The following SYTL2 variants were observed in gnomAD, a reference collection of about 807,000 sequenced individuals.
SYTL2 encodes the protein synaptotagmin like 2.
A neutral mutation model predicts 198.7 loss-of-function variants in SYTL2; 165 were observed. That is an observed-to-expected ratio of 0.83 (90% CI 0.73 to 0.94). The LOEUF is 0.94. Ranked by LOEUF, SYTL2 falls within the 40% of genes least tolerant of loss-of-function variation. The pLI, the probability that SYTL2 is intolerant of heterozygous loss-of-function variation, is 0.00. For missense variants in SYTL2, 2,835 were observed against 2,582.8 expected, an observed-to-expected ratio of 1.10 and a Z score of -2.12; for synonymous variants, 966 against 917.7, an observed-to-expected ratio of 1.05 and a Z score of -0.95.
chr11:85,695,363 T>C (rs1311531476), intron 19 of SYTL2, 23 bp from the exon 20 acceptor site: 1 of 1,540,000 alleles, frequency 6.5e-7, no homozygotes, highest in African/African-American at 1.4e-5. Context: ...AGCTTTGCAT[T>C]TAGAAAGAAA....
chr11:85,747,069 C>A (rs568867229), intron 3 of SYTL2, among the ~76,000 whole-genome samples: 1 of 152,270 alleles, frequency 6.6e-6, no homozygotes, highest in East Asian at 1.9e-4. Context: ...TAGACCTTGA[C>A]AAGGCTTTAC....
At chr11:85,815,217 C>T (rs1263436294), upstream of SYTL2, among the ~76,000 whole-genome samples, 1 of 152,222 alleles carries the variant, frequency 6.6e-6, no homozygotes, top group East Asian at 1.9e-4. Flanking sequence ...AGTAAAAGAA[C>T]CTTTCTCTTA....
the SYTL2 span, among the ~76,000 whole-genome samples, chr11:85,846,809 C>G: frequency 6.6e-6 from 1 of 150,586 alleles, no homozygotes; most frequent in Non-Finnish European, 1.5e-5. Flanking sequence ...TCTCGCCTCA[C>G]TGCAACCTCC....
At position 85,716,668 on chromosome 11, in the gene SYTL2, G is replaced by A. The variant is rs556181954; in HGVS notation, c.5530+815C>T. 44 of 148,828 alleles carry A rather than the reference G, an allele frequency of 3.0e-4. 1 individual carries two copies. The highest frequency in any genetic ancestry group is 9.8e-4 in the African/African-American group (39 of 39,994). 9.2% of individuals were successfully genotyped at this position (148,828 alleles called of 1,614,324 possible). A position where few individuals can be genotyped will look rare whatever the true frequency, so the allele number is the denominator to read the frequency against. ...CCCAGTGCCTAGGGTTTATGAAACAGAGTGAAACCAAGAAGCTAAAAAATC... is the reference window on the plus strand; with the variant it reads ...CCCAGTGCCTAGGGTTTATGAAACAAAGTGAAACCAAGAAGCTAAAAAATC... On this transcript the variant is annotated intron_variant, in intron 11 of 19. Coordinates refer to ENST00000359152, the MANE Select transcript of SYTL2 (RefSeq NM_206927.4).
chr11:85,729,221 A>C (rs2089555578), intron 7 of SYTL2, among the ~76,000 whole-genome samples: 1 of 152,226 alleles, frequency 6.6e-6, no homozygotes, highest in South Asian at 2.1e-4. Context: ...ATTTGAACTA[A>C]GCTCTGGACC....
chr11:85,706,211 T>G (rs2085116145), intron 15 of SYTL2, among the ~76,000 whole-genome samples: 1 of 152,192 alleles, frequency 6.6e-6, no homozygotes, highest in Admixed American at 6.5e-5. Context: ...ACAAATTAAC[T>G]AATTTACTGT....
intron 1 of SYTL2, among the ~76,000 whole-genome samples, chr11:85,810,239 A>T (rs1209425583): frequency 6.6e-6 from 1 of 152,152 alleles, no homozygotes; most frequent in Non-Finnish European, 1.5e-5. Context: ...AAATGAAAAG[A>T]AGAACTTTTC....
the SYTL2 span, among the ~76,000 whole-genome samples, chr11:85,824,004 C>G: frequency 2.6e-5 from 4 of 152,204 alleles, no homozygotes; most frequent in Admixed American, 2.0e-4. Context: ...GGGACTTTAA[C>G]TTTGAATTAA....
At chr11:85,757,065 G>T (rs1301195038) in intron 2 of SYTL2, among the ~76,000 whole-genome samples, 1 of 152,158 alleles carries the variant, frequency 6.6e-6, no homozygotes, top group African/African-American at 2.4e-5. Flanking sequence ...GAACATTTGG[G>T]TTCCACCCAA....
At position 85,705,161 on chromosome 11, in the gene SYTL2, T is replaced by G. The variant is rs148718376; in HGVS notation, c.6019-133A>C. On this transcript the variant is annotated intron_variant, in intron 15 of 19. Coordinates refer to ENST00000359152, the MANE Select transcript of SYTL2 (RefSeq NM_206927.4). ...GTTAGGTTTCGAGTCCCAAAAATATTGCAAAGTCATCTTATTCTAAGCATC... is the reference window on the plus strand; with the variant it reads ...GTTAGGTTTCGAGTCCCAAAAATATGGCAAAGTCATCTTATTCTAAGCATC... 5 of 584,440 alleles carry G rather than the reference T, an allele frequency of 8.6e-6. No homozygotes were observed. In the East Asian group the frequency reaches 1.4e-4, roughly 16 times the overall value. The allele number at this position is 584,440 out of a possible 1,614,324, so 36.2% of individuals were successfully genotyped here.
intron 4 of SYTL2, among the ~76,000 whole-genome samples, chr11:85,745,058 C>T (rs1009146026): frequency 5.3e-5 from 8 of 152,158 alleles, no homozygotes; most frequent in African/African-American, 1.9e-4. Flanking sequence ...ATCTATCATG[C>T]CAGGTATTCT....
At chr11:85,776,981 T>A (rs1291449981) in intron 1 of SYTL2, among the ~76,000 whole-genome samples, 1 of 152,202 alleles carries the variant, frequency 6.6e-6, no homozygotes, top group Admixed American at 6.5e-5. Context: ...AGACTTAACC[T>A]GAGCTTTGGA....
the SYTL2 span, among the ~76,000 whole-genome samples, chr11:85,840,047 G>A: frequency 6.6e-6 from 1 of 152,098 alleles, no homozygotes; most frequent in Admixed American, 6.6e-5. Flanking sequence ...ATGATGTTGA[G>A]CACCTTTTTA....
At chr11:85,837,796 T>C in the SYTL2 span, among the ~76,000 whole-genome samples, 1 of 152,158 alleles carries the variant, frequency 6.6e-6, no homozygotes, top group Non-Finnish European at 1.5e-5. Flanking sequence ...AGGTGAATAA[T>C]GATGGAGCAC....
intron 6 of SYTL2, among the ~76,000 whole-genome samples, chr11:85,735,675 G>A (rs538627961): frequency 9.9e-5 from 15 of 152,050 alleles, no homozygotes; most frequent in Middle Eastern, 3.4e-3. Context: ...TAGAAGCCCC[G>A]GAACCCGGGA....
At chr11:85,817,505 T>C in the SYTL2 span, among the ~76,000 whole-genome samples, 3 of 152,246 alleles carry the variant, frequency 2.0e-5, no homozygotes, top group African/African-American at 7.2e-5. Flanking sequence ...ATTAATTTCA[T>C]CTGTTTATTT....
intron 1 of SYTL2, among the ~76,000 whole-genome samples, chr11:85,770,335 C>T (rs781601316): frequency 6.6e-6 from 1 of 152,142 alleles, no homozygotes; most frequent in African/African-American, 2.4e-5. Context: ...CCCTTGTCTA[C>T]CACTCATGTA....
In SYTL2 at chr11:85,696,269, A is replaced by C. The variant is rs987393895; in HGVS notation, c.6488T>G (p.Met2163Arg). 1.2e-6 allele frequency: 2 copies of C among 1,614,038 alleles called. No homozygotes were observed. The highest frequency in any genetic ancestry group is 1.3e-5 in the African/African-American group (1 of 74,926). Residue 2163 changes from methionine to arginine, a missense_variant, in exon 19 of 20, where the codon ATG (methionine) becomes AGG (arginine). Physicochemically the swap from Met to Arg is moderately conservative, Grantham distance 91. Coordinates refer to ENST00000359152, the MANE Select transcript of SYTL2 (RefSeq NM_206927.4). Reference protein sequence around the residue: ...VYDGFRPEDLMEACVELTVWD... With the variant: ...VYDGFRPEDLREACVELTVWD... ...GACAGTAAGCTCTACACAGGCTTCC[A>C]TCAGATCTTCAGGCCTGAACCCATC...
the SYTL2 span, among the ~76,000 whole-genome samples, chr11:85,849,780 G>C: frequency 2.1e-5 from 3 of 143,300 alleles, no homozygotes. Flanking sequence ...GCTCTTTTTT[G>C]GTTCCATATG....
Sources: gnomAD v4.1 joint callset for allele counts (sites outside exome capture counted in the v4.1 genomes callset) on GRCh38, gnomAD v4.1.1 for gene constraint, MANE v1.5 for transcripts, NCBI Gene and HGNC (gene_info 2026-07-23, HGNC 2026-07-21) for gene names.